FBXW11: variants seen among roughly 807,000 people sequenced by gnomAD.
FBXW11 encodes F-box/WD repeat-containing protein 11.
FBXW11 carries 19 observed loss-of-function variants against 77.6 expected under a neutral mutation model. The ratio of observed to expected loss-of-function variants is 0.24; its 90% CI spans 0.17 to 0.36. FBXW11 has a LOEUF of 0.36. Among genes scored for constraint, FBXW11 ranks in the 10% least tolerant of loss-of-function variants. The pLI is 1.00. For synonymous variants in FBXW11, 235 were observed against 249.4 expected, an observed-to-expected ratio of 0.94 and a Z score of 0.54; for missense variants, 334 against 704.2, an observed-to-expected ratio of 0.47 and a Z score of 5.95.
chr5:171,881,392 C>G (rs1052747178), intron 7 of FBXW11, among the ~76,000 whole-genome samples: 1 of 152,182 alleles, frequency 6.6e-6, no homozygotes, highest in African/African-American at 2.4e-5. Flanking sequence ...CCCCTCTATT[C>G]ATAGTTTACT....
chr5:171,982,967 C>T (rs926714113), intron 1 of FBXW11, among the ~76,000 whole-genome samples: 6 of 152,056 alleles, frequency 3.9e-5, no homozygotes, highest in Admixed American at 2.0e-4. Context: ...TTTGGGAGGC[C>T]AAGGCAGGTG....
intron 2 of FBXW11, among the ~76,000 whole-genome samples, chr5:171,925,572 C>T (rs779349051): frequency 4.6e-5 from 7 of 152,206 alleles, no homozygotes; most frequent in Non-Finnish European, 1.0e-4. Context: ...CCTCAGTCTC[C>T]TGAGCTCAAG....
intron 1 of FBXW11, among the ~76,000 whole-genome samples, chr5:171,993,598 C>T (rs1399880148): frequency 6.6e-6 from 1 of 151,676 alleles, no homozygotes; most frequent in African/African-American, 2.4e-5. Flanking sequence ...GGTGACAGAG[C>T]GAAGACTCTG....
intron 2 of FBXW11, among the ~76,000 whole-genome samples, chr5:171,917,113 G>A (rs1244712975): frequency 6.6e-6 from 1 of 152,048 alleles, no homozygotes; most frequent in African/African-American, 2.4e-5. Flanking sequence ...TAGAGACAGG[G>A]TTTCACCATG....
intron 2 of FBXW11, among the ~76,000 whole-genome samples, chr5:171,936,498 C>CAAAA (rs551599131): frequency 6.3e-5 from 4 of 63,856 alleles, no homozygotes; most frequent in African/African-American, 2.0e-4. Context: ...CCTGTCTCAC[C>CAAAA]AAAAAAAAAA....
chr5:171,913,775 C>A (rs1761030680), intron 3 of FBXW11, among the ~76,000 whole-genome samples: 1 of 148,300 alleles, frequency 6.7e-6, no homozygotes, highest in Non-Finnish European at 1.5e-5. Context: ...ACCACCAAAT[C>A]GTGAAACTTT....
chr5:171,868,725 A>G lies in FBXW11; in HGVS notation c.1602T>C (p.Thr534=), dbSNP rs144986711. Residue 534 remains threonine, a synonymous_variant, in exon 13 of 14, where the codon ACT becomes ACC. Transcript: ENST00000517395. ...CATTTAAGAAATCCCAAATCAAAAT[A>G]GTGTCATCATGGGAGCTGCTGATGA... ...FQIISSSHDD[T]ILIWDFLNVP... The G allele has an allele frequency of 8.0e-5, 129 of 1,613,962 alleles. No individual in the cohort carries two copies. In the African/African-American group the frequency reaches 1.6e-3, roughly 21 times the overall value.
intron 1 of FBXW11, among the ~76,000 whole-genome samples, chr5:172,006,231 G>A (rs1160731584): frequency 1.3e-5 from 2 of 152,238 alleles, no homozygotes; most frequent in Non-Finnish European, 2.9e-5. Context: ...ACCAGGGGGA[G>A]GGGGAGAAGC....
intron 1 of FBXW11, among the ~76,000 whole-genome samples, chr5:171,961,460 G>A (rs1763902036): frequency 6.6e-6 from 1 of 152,132 alleles, no homozygotes; most frequent in African/African-American, 2.4e-5. Context: ...TGCTATTCTA[G>A]GAAATACACC....
At chr5:172,004,609 T>C (rs1766614360) in intron 1 of FBXW11, among the ~76,000 whole-genome samples, 1 of 152,164 alleles carries the variant, frequency 6.6e-6, no homozygotes, top group South Asian at 2.1e-4. Flanking sequence ...GGAATAGAAA[T>C]GGAAGGAGCT....
chr5:171,942,625 C>G (rs1252854018), intron 2 of FBXW11, among the ~76,000 whole-genome samples: 1 of 151,976 alleles, frequency 6.6e-6, no homozygotes, highest in Admixed American at 6.6e-5. Flanking sequence ...CACAGTGAAA[C>G]CCCGTCTCTA....
chr5:171,921,063 C>T (rs1470503550), intron 2 of FBXW11, among the ~76,000 whole-genome samples: 1 of 152,202 alleles, frequency 6.6e-6, no homozygotes, highest in Non-Finnish European at 1.5e-5. Context: ...AATACTGTGT[C>T]TGCTATGGAA....
chr5:171,994,804 G>A (rs760315071), intron 1 of FBXW11, among the ~76,000 whole-genome samples: 18 of 152,180 alleles, frequency 1.2e-4, no homozygotes, highest in Middle Eastern at 3.4e-3. Context: ...TCAGGAGGCC[G>A]AGTCAGGCAG....
chr5:171,952,978 CCT>C (rs1763426159), intron 2 of FBXW11, among the ~76,000 whole-genome samples: 2 of 151,706 alleles, frequency 1.3e-5, no homozygotes, highest in Admixed American at 1.3e-4. Flanking sequence ...ATTGGACACC[CCT>C]GTTTTAGAGA....
At chr5:171,916,687 T>C (rs959651211) in intron 2 of FBXW11, among the ~76,000 whole-genome samples, 1 of 152,144 alleles carries the variant, frequency 6.6e-6, no homozygotes, top group African/African-American at 2.4e-5. Context: ...CAGCATCCCC[T>C]GAGTTTGGTA....
At chr5:171,947,982 T>A (rs1260355797) in intron 2 of FBXW11, among the ~76,000 whole-genome samples, 2 of 152,050 alleles carry the variant, frequency 1.3e-5, no homozygotes, top group African/African-American at 4.8e-5. Flanking sequence ...ACACCTATAA[T>A]CCCAGCACTT....
chr5:171,953,433 TAGAAAACA>T (rs1763451317), intron 2 of FBXW11, among the ~76,000 whole-genome samples: 1 of 152,116 alleles, frequency 6.6e-6, no homozygotes, highest in Non-Finnish European at 1.5e-5. Context: ...TAATGCTTAT[TAGAAAACA>T]GACAAGAGGC....
In FBXW11 at chr5:171,905,417, C is replaced by G. The variant is rs548951625; in HGVS notation, c.436+5155G>C. Reference sequence around the variant, plus strand: ...AGTCTTGCTGCGAAAGTTTAAAAAACAGCATACGTAAAGAGCTAGGTAAAT... The same window carrying G: ...AGTCTTGCTGCGAAAGTTTAAAAAAGAGCATACGTAAAGAGCTAGGTAAAT... On this transcript the variant is annotated intron_variant, in intron 4 of 13. Coordinates refer to ENST00000517395, the MANE Select transcript of FBXW11 (RefSeq NM_001378974.1). Among the ~76,000 whole-genome samples the G allele has an allele frequency of 3.9e-4, 59 of 152,304 alleles. 3 individuals carry two copies. The South Asian group carries it at 0.011, about 28-fold the overall frequency.
intron 1 of FBXW11, among the ~76,000 whole-genome samples, chr5:171,992,666 T>C (rs1352187656): frequency 6.6e-6 from 1 of 152,122 alleles, no homozygotes; most frequent in Non-Finnish European, 1.5e-5. Flanking sequence ...CACCAATACA[T>C]ACATTCTTCA....
Sources: allele counts gnomAD v4.1 joint callset (sites outside exome capture counted in the v4.1 genomes callset), GRCh38; gene constraint gnomAD v4.1.1; transcripts MANE v1.5; gene names NCBI Gene and HGNC (gene_info 2026-07-23, HGNC 2026-07-21).